MGAT4C: variants seen among roughly 807,000 people sequenced by gnomAD.
MGAT4C encodes MGAT4 family member C, also known as alpha-1,3-mannosyl-glycoprotein 4-beta-N-acetylglucosaminyltransferase C.
MGAT4C carries 19 observed loss-of-function variants against 40.1 expected under a neutral mutation model. The ratio of observed to expected loss-of-function variants is 0.47; its 90% CI spans 0.33 to 0.70. The LOEUF (loss-of-function observed/expected upper bound fraction) is 0.70, where lower values mean the gene tolerates loss of function less well. Among genes scored for constraint, MGAT4C ranks in the 30% least tolerant of loss-of-function variants. The pLI is 0.02. For synonymous variants in MGAT4C, 181 were observed against 187.1 expected, an observed-to-expected ratio of 0.97 and a Z score of 0.27; for missense variants, 491 against 563.2, an observed-to-expected ratio of 0.87 and a Z score of 1.30.
At chr12:86,483,158 T>C (rs1957963740) in intron 2 of MGAT4C, among the ~76,000 whole-genome samples, 1 of 152,166 alleles carries the variant, frequency 6.6e-6, no homozygotes, top group African/African-American at 2.4e-5. Flanking sequence ...GAAGGAGCTA[T>C]CTGGGTTTCT....
At chr12:86,754,310 C>G (rs192581879) in intron 1 of MGAT4C, among the ~76,000 whole-genome samples, 4 of 151,978 alleles carry the variant, frequency 2.6e-5, no homozygotes, top group African/African-American at 9.6e-5. Flanking sequence ...CAAACAGCAG[C>G]TAAGTGGTTG....
intron 1 of MGAT4C, among the ~76,000 whole-genome samples, chr12:86,254,560 C>T (rs1952437291): frequency 6.6e-6 from 1 of 151,964 alleles, no homozygotes; most frequent in Non-Finnish European, 1.5e-5. Context: ...GTGAAAATGA[C>T]ACAGTCAGTA....
intron 2 of MGAT4C, among the ~76,000 whole-genome samples, chr12:86,477,344 A>C (rs187097955): frequency 6.6e-6 from 1 of 152,102 alleles, no homozygotes; most frequent in East Asian, 1.9e-4. Flanking sequence ...TCTCACTTAT[A>C]AGTGGGAGCT....
chr12:86,406,351 A>G (rs1369848728), intron 3 of MGAT4C, among the ~76,000 whole-genome samples: 1 of 151,874 alleles, frequency 6.6e-6, no homozygotes, highest in African/African-American at 2.4e-5. Context: ...TGTATATGTA[A>G]TAAAAAGCTA....
intron 4 of MGAT4C, among the ~76,000 whole-genome samples, chr12:86,327,305 G>A (rs1474817573): frequency 1.3e-5 from 2 of 151,800 alleles, no homozygotes; most frequent in East Asian, 3.9e-4. Context: ...GTTAATTTTG[G>A]ATTTTTTAAT....
At chr12:86,402,559 AAGAT>A (rs1473996634) in intron 3 of MGAT4C, among the ~76,000 whole-genome samples, 21 of 152,270 alleles carry the variant, frequency 1.4e-4, no homozygotes, top group South Asian at 4.1e-4. Context: ...GTATTCTTGG[AAGAT>A]AGATAGGTAG....
chr12:86,457,886 T>C (rs1157782403), intron 2 of MGAT4C, among the ~76,000 whole-genome samples: 1 of 152,112 alleles, frequency 6.6e-6, no homozygotes, highest in Non-Finnish European at 1.5e-5. Flanking sequence ...CTTCATGTGC[T>C]TCAGTATGGA....
At chr12:86,632,365 A>C (rs187893295) in intron 2 of MGAT4C, among the ~76,000 whole-genome samples, 1 of 152,306 alleles carries the variant, frequency 6.6e-6, no homozygotes, top group Admixed American at 6.5e-5. Flanking sequence ...TCAAGGATCG[A>C]GAACTAGAAA....
chr12:86,796,211 C>T (rs1293494709), intron 1 of MGAT4C, among the ~76,000 whole-genome samples: 2 of 151,488 alleles, frequency 1.3e-5, no homozygotes, highest in Admixed American at 6.6e-5. Context: ...TACTTCTGCA[C>T]GTGCCAGGTT....
chr12:86,549,720 C>T (rs998668372), intron 2 of MGAT4C, among the ~76,000 whole-genome samples: 4 of 152,114 alleles, frequency 2.6e-5, no homozygotes, highest in African/African-American at 4.8e-5. Flanking sequence ...AAATGAACCA[C>T]GACAACCCAT....
intron 2 of MGAT4C, among the ~76,000 whole-genome samples, chr12:86,030,777 AT>A (rs925311996): frequency 1.3e-5 from 2 of 151,852 alleles, no homozygotes; most frequent in African/African-American, 2.4e-5. Context: ...CCAGAAAAAA[AT>A]GTAAAGATTA....
intron 1 of MGAT4C, among the ~76,000 whole-genome samples, chr12:86,052,008 TA>T (rs1158104364): frequency 1.3e-5 from 2 of 151,776 alleles, no homozygotes; most frequent in Non-Finnish European, 2.9e-5. Flanking sequence ...ATAAATTGGC[TA>T]ATAGAAGTAT....
intron 1 of MGAT4C, among the ~76,000 whole-genome samples, chr12:86,072,589 A>G (rs1488272059): frequency 6.6e-6 from 1 of 152,130 alleles, no homozygotes; most frequent in African/African-American, 2.4e-5. Flanking sequence ...TTAAACAACG[A>G]AGCAAAGGAT....
At chr12:86,585,660 C>A (rs1220784264) in intron 2 of MGAT4C, among the ~76,000 whole-genome samples, 1 of 150,400 alleles carries the variant, frequency 6.6e-6, no homozygotes, top group Non-Finnish European at 1.5e-5. Context: ...TATCACTTGT[C>A]TTCATTTTTC....
intron 1 of MGAT4C, among the ~76,000 whole-genome samples, chr12:86,128,021 TATC>T (rs1880567211): frequency 6.6e-6 from 1 of 152,224 alleles, no homozygotes. Flanking sequence ...TCTTTAGCAT[TATC>T]AAGTATTCTG....
intron 2 of MGAT4C, among the ~76,000 whole-genome samples, chr12:86,678,495 T>A (rs964238890): frequency 1.3e-5 from 2 of 151,730 alleles, no homozygotes; most frequent in Non-Finnish European, 2.9e-5. Context: ...TAGTTACATA[T>A]GTATACATGT....
At chr12:86,327,621 A>T (rs1202963775) in intron 4 of MGAT4C, among the ~76,000 whole-genome samples, 1 of 152,158 alleles carries the variant, frequency 6.6e-6, no homozygotes, top group Admixed American at 6.6e-5. Flanking sequence ...TGAGGTAAAA[A>T]GAAAATAAAA....
intron 2 of MGAT4C, among the ~76,000 whole-genome samples, chr12:86,489,802 C>T (rs1432554377): frequency 6.6e-6 from 1 of 151,992 alleles, no homozygotes; most frequent in African/African-American, 2.4e-5. Flanking sequence ...CCGATGCGAT[C>T]AACTGGAAGA....
intron 2 of MGAT4C, among the ~76,000 whole-genome samples, chr12:86,459,753 A>G (rs1367773705): frequency 7.4e-6 from 1 of 135,454 alleles, no homozygotes; most frequent in African/African-American, 2.8e-5. Context: ...CCTGGATCTG[A>G]GCAACTTGAG....
Sources: gnomAD v4.1 joint callset for allele counts (sites outside exome capture counted in the v4.1 genomes callset) on GRCh38, gnomAD v4.1.1 for gene constraint, MANE v1.5 for transcripts, NCBI Gene and HGNC (gene_info 2026-07-23, HGNC 2026-07-21) for gene names.